IL1RL1: variants seen among roughly 807,000 people sequenced by gnomAD.
IL1RL1 encodes interleukin 1 receptor like 1.
IL1RL1 carries 32 observed loss-of-function variants against 50.9 expected under a neutral mutation model. The observed-to-expected ratio is 0.63, with a 90% CI of 0.47 to 0.84. The LOEUF is 0.84. Among genes scored for constraint, IL1RL1 ranks in the 40% least tolerant of loss-of-function variants. The pLI is 0.00. For missense variants in IL1RL1, 773 were observed against 662.9 expected, an observed-to-expected ratio of 1.17 and a Z score of -1.82; for synonymous variants, 275 against 236.0, an observed-to-expected ratio of 1.17 and a Z score of -1.51.
At chr2:102,341,677 A>G (rs1488073446) in intron 5 of IL1RL1, among the ~76,000 whole-genome samples, 3 of 152,190 alleles carry the variant, frequency 2.0e-5, no homozygotes, top group African/African-American at 4.8e-5. Context: ...TCACACTGTC[A>G]TTAAATAAAT....
At chr2:102,342,766 T>A (rs1386857530) in intron 6 of IL1RL1, among the ~76,000 whole-genome samples, 1 of 152,148 alleles carries the variant, frequency 6.6e-6, no homozygotes, top group Non-Finnish European at 1.5e-5. Flanking sequence ...GTGGGGTTGG[T>A]GAAGGCAGAA....
chr2:102,320,821 C>A (rs1449863007), intron 1 of IL1RL1, among the ~76,000 whole-genome samples: 2 of 152,206 alleles, frequency 1.3e-5, no homozygotes, highest in East Asian at 1.9e-4. Flanking sequence ...TCTGTCTCAC[C>A]TGGATACCTC....
At chr2:102,352,221 C>A (rs967503665), downstream of IL1RL1, among the ~76,000 whole-genome samples, 1 of 132,024 alleles carries the variant, frequency 7.6e-6, no homozygotes, top group African/African-American at 3.4e-5. Flanking sequence ...CTCTCTCTGT[C>A]TTGCTTTGTT....
intron 1 of IL1RL1, among the ~76,000 whole-genome samples, chr2:102,318,090 A>T (rs574588313): frequency 1.2e-4 from 19 of 152,254 alleles, no homozygotes; most frequent in Non-Finnish European, 2.2e-4. Context: ...ATTGCAAGCA[A>T]TTTGGCTTTT....
chr2:102,342,969 A>T (rs1677628080), intron 6 of IL1RL1, 67 bp from the exon 7 acceptor site: 4 of 1,511,094 alleles, frequency 2.6e-6, no homozygotes, highest in Admixed American at 1.9e-5. Context: ...TTTTTTTTAC[A>T]TTAAATGGGA....
chr2:102,320,348 C>T (rs1676801173), intron 1 of IL1RL1, among the ~76,000 whole-genome samples: 1 of 152,078 alleles, frequency 6.6e-6, no homozygotes, highest in African/African-American at 2.4e-5. Flanking sequence ...AACACTTATT[C>T]TCTGGGATGT....
chr2:102,317,091 A>G (rs1308543650), intron 1 of IL1RL1, among the ~76,000 whole-genome samples: 2 of 152,238 alleles, frequency 1.3e-5, no homozygotes, highest in African/African-American at 4.8e-5. Context: ...ATGGTGGCTC[A>G]CGCCTGTAAT....
At chr2:102,311,670 G>T (rs1180297473) in intron 1 of IL1RL1, 47 bp downstream of exon 1, 1 of 143,434 alleles carries the variant, frequency 7.0e-6, no homozygotes, top group African/African-American at 2.6e-5. Flanking sequence ...ATCTCAAAGG[G>T]AACAAAATTT....
intron 8 of IL1RL1, among the ~76,000 whole-genome samples, chr2:102,346,555 G>A (rs546392480): frequency 6.6e-6 from 1 of 152,294 alleles, no homozygotes; most frequent in South Asian, 2.1e-4. Flanking sequence ...CAATGGCATG[G>A]TTACTTCCCA....
chr2:102,337,356 T>C (rs1677363368), intron 1 of IL1RL1: 1 of 152,340 alleles, frequency 6.6e-6, no homozygotes. Context: ...CAATTACTTA[T>C]CTAAAATTTG....
chr2:102,343,607 T>A (rs1677669362), intron 8 of IL1RL1, 192 bp downstream of exon 8: 1 of 1,455,830 alleles, frequency 6.9e-7, no homozygotes, highest in African/African-American at 1.4e-5. Context: ...GCTTCTCTGC[T>A]GCTTAAATTG....
intron 1 of IL1RL1, among the ~76,000 whole-genome samples, chr2:102,315,055 T>A (rs936466410): frequency 5.3e-5 from 8 of 152,192 alleles, no homozygotes; most frequent in Admixed American, 2.6e-4. Flanking sequence ...TCTGACTTTT[T>A]TTTCCCTAAT....
chr2:102,312,249 T>G (rs1434941545), intron 1 of IL1RL1, among the ~76,000 whole-genome samples: 1 of 146,328 alleles, frequency 6.8e-6, no homozygotes, highest in Non-Finnish European at 1.5e-5. Flanking sequence ...TGGTGCCTTA[T>G]GCAAATGAAG....
intron 1 of IL1RL1, among the ~76,000 whole-genome samples, chr2:102,328,597 C>T (rs943504214): frequency 2.6e-5 from 4 of 151,910 alleles, no homozygotes; most frequent in African/African-American, 9.7e-5. Context: ...GATTGTATAT[C>T]TAGAAAACCC....
intron 1 of IL1RL1, chr2:102,313,164 C>T (rs1009966368): frequency 1.3e-5 from 2 of 152,210 alleles, no homozygotes; most frequent in East Asian, 3.9e-4. Flanking sequence ...GAGTTTCTTG[C>T]TTACAAAGAG....
intron 1 of IL1RL1, among the ~76,000 whole-genome samples, chr2:102,317,582 G>A (rs1003479674): frequency 8.0e-4 from 122 of 152,070 alleles, no homozygotes; most frequent in African/African-American, 2.5e-3. Context: ...TTTTTTTCAC[G>A]TGAGAACAAA....
In IL1RL1 at chr2:102,339,062, G is replaced by C. The variant is rs752186462; in HGVS notation, c.272+15G>C. The stretch of plus-strand genomic sequence containing the variant: ...ATTGTCAGAAGGTATTATGCAGAAG[G>C]CTCCCATCTTCTTTCACCCTGCTCC... On this transcript the variant is annotated intron_variant, in intron 3 of 10. Transcript: ENST00000233954. 2 of 1,578,150 alleles carry C rather than the reference G, an allele frequency of 1.3e-6. No individual in the cohort carries two copies. The highest frequency in any genetic ancestry group is 8.7e-7 in the Non-Finnish European group (1 of 1,149,778).
intron 8 of IL1RL1, 89 bp downstream of exon 8, chr2:102,343,504 A>G: frequency 6.2e-7 from 1 of 1,609,918 alleles, no homozygotes; most frequent in Non-Finnish European, 8.5e-7. Flanking sequence ...ATCCATCAAG[A>G]CAATGGGAAT....
At chr2:102,322,960 T>A (rs986122569) in intron 1 of IL1RL1, among the ~76,000 whole-genome samples, 39 of 152,298 alleles carry the variant, frequency 2.6e-4, no homozygotes, top group African/African-American at 9.1e-4. Context: ...CTTTATTATT[T>A]TTTTGTTTGG....
Sources: gnomAD v4.1 joint callset for allele counts (sites outside exome capture counted in the v4.1 genomes callset) on GRCh38, gnomAD v4.1.1 for gene constraint, MANE v1.5 for transcripts, NCBI Gene and HGNC (gene_info 2026-07-23, HGNC 2026-07-21) for gene names.